The following CASC3 variants were observed in gnomAD, a reference collection of about 807,000 sequenced individuals.
CASC3 encodes CASC3 exon junction complex subunit, also known as protein CASC3.
A neutral mutation model predicts 80.5 loss-of-function variants in CASC3; 30 were observed. The observed-to-expected ratio is 0.37, with a 90% CI of 0.28 to 0.51. CASC3 has a LOEUF of 0.51. Among genes scored for constraint, CASC3 ranks in the 20% least tolerant of loss-of-function variants. CASC3 has a pLI of 0.94. For missense variants in CASC3, 824 were observed against 922.2 expected, an observed-to-expected ratio of 0.89 and a Z score of 1.38; for synonymous variants, 312 against 333.6, an observed-to-expected ratio of 0.94 and a Z score of 0.70.
chr17:40,160,500 A>G (rs1989266834), intron 3 of CASC3, among the ~76,000 whole-genome samples: 1 of 152,094 alleles, frequency 6.6e-6, no homozygotes. Flanking sequence ...CAAAACAGAA[A>G]AAAAAAAAAA....
At chr17:40,166,183 G>A (rs1989446373) in intron 7 of CASC3, among the ~76,000 whole-genome samples, 1 of 152,134 alleles carries the variant, frequency 6.6e-6, no homozygotes, top group Admixed American at 6.6e-5. Flanking sequence ...GCCTATTGTG[G>A]TTTGTTTTTC....
chr17:40,168,544 C>A, intron 11 of CASC3, 127 bp downstream of exon 11: 3 of 790,576 alleles, frequency 3.8e-6, no homozygotes, highest in Non-Finnish European at 6.2e-6. Context: ...TATGTGACAC[C>A]AAGACGCCTC....
chr17:40,169,112 G>C, intron 11 of CASC3: 1 of 496,680 alleles, frequency 2.0e-6, no homozygotes, highest in East Asian at 3.6e-5. Flanking sequence ...AGAGAAAGCT[G>C]GGCAGTACTT....
At chr17:40,151,186 T>C (rs1222326009) in intron 3 of CASC3, among the ~76,000 whole-genome samples, 1 of 151,852 alleles carries the variant, frequency 6.6e-6, no homozygotes, top group Non-Finnish European at 1.5e-5. Context: ...CTGGGCAACA[T>C]AGTGAGACCT....
chr17:40,152,483 A>G (rs912677712), intron 3 of CASC3, among the ~76,000 whole-genome samples: 2 of 151,900 alleles, frequency 1.3e-5, no homozygotes, highest in Non-Finnish European at 2.9e-5. Flanking sequence ...CACCAAGCCC[A>G]GCTAGTTTTG....
At chr17:40,144,837 C>G (rs1180640847) in intron 3 of CASC3, among the ~76,000 whole-genome samples, 3 of 140,408 alleles carry the variant, frequency 2.1e-5, no homozygotes, top group African/African-American at 7.9e-5. Context: ...CCACCATACC[C>G]AGCCAAAAAA....
chr17:40,152,323 T>C (rs1989031384), intron 3 of CASC3, among the ~76,000 whole-genome samples: 1 of 151,540 alleles, frequency 6.6e-6, no homozygotes, highest in Non-Finnish European at 1.5e-5. Context: ...TTTGTTTTTA[T>C]TTTTATTTTT....
intron 3 of CASC3, among the ~76,000 whole-genome samples, chr17:40,160,336 T>G (rs1042910152): frequency 6.6e-6 from 1 of 150,902 alleles, no homozygotes. Flanking sequence ...CTACTAAAAA[T>G]AAAAAAAAAT....
chr17:40,141,487 G>T, intron 2 of CASC3, 83 bp from the exon 3 acceptor site: 1 of 1,153,362 alleles, frequency 8.7e-7, no homozygotes, highest in South Asian at 1.3e-5. Flanking sequence ...AGAATTAAAT[G>T]AGACTCTTAG....
chr17:40,153,836 G>A (rs1373473147), intron 3 of CASC3, among the ~76,000 whole-genome samples: 1 of 152,026 alleles, frequency 6.6e-6, no homozygotes, highest in Non-Finnish European at 1.5e-5. Flanking sequence ...CACTTTGGGA[G>A]GCCGAGTCAG....
At chr17:40,161,670 G>A (rs1022832554) in intron 3 of CASC3, 83 bp from the exon 4 acceptor site, 1 of 1,218,824 alleles carries the variant, frequency 8.2e-7, no homozygotes, top group Non-Finnish European at 1.2e-6. Context: ...CAGAGACTTT[G>A]TTTTGGGGTT....
chr17:40,156,520 A>T (rs1989149126), intron 3 of CASC3, among the ~76,000 whole-genome samples: 1 of 151,902 alleles, frequency 6.6e-6, no homozygotes, highest in Non-Finnish European at 1.5e-5. Flanking sequence ...CCCCGTCTCT[A>T]CTGAAAATAC....
chr17:40,150,735 A>G (rs1988982875), intron 3 of CASC3, among the ~76,000 whole-genome samples: 2 of 151,342 alleles, frequency 1.3e-5, no homozygotes, highest in African/African-American at 4.9e-5. Context: ...TTATTGTGGC[A>G]AGGCGCCGAG....
At chr17:40,153,573 G>A (rs181348121) in intron 3 of CASC3, among the ~76,000 whole-genome samples, 32 of 152,226 alleles carry the variant, frequency 2.1e-4, no homozygotes, top group Middle Eastern at 3.4e-3. Flanking sequence ...AACTAGAACC[G>A]CCATACTGTT....
intron 3 of CASC3, among the ~76,000 whole-genome samples, chr17:40,153,176 C>G (rs987301672): frequency 5.9e-5 from 9 of 152,182 alleles, no homozygotes; most frequent in African/African-American, 2.2e-4. Flanking sequence ...TTTCGCTACC[C>G]TTAAGCCCTA....
chr17:40,159,127 T>A (rs1376035880), intron 3 of CASC3, among the ~76,000 whole-genome samples: 1 of 151,984 alleles, frequency 6.6e-6, no homozygotes, highest in Non-Finnish European at 1.5e-5. Context: ...TCCCAGCTAC[T>A]TGTGGGGGCT....
Position 40,167,874 on chromosome 17 carries a change from C to A in CASC3, c.1676C>A (p.Thr559Asn). The A allele has an allele frequency of 6.2e-7, 1 of 1,614,114 alleles. No individual in the cohort carries two copies. The highest frequency in any genetic ancestry group is 1.3e-5 in the African/African-American group (1 of 75,026). ...DPLQFQGPIY[T>N]HGDSPAPLPP... is the part of the protein sequence containing the mutation. Reference sequence around the variant, plus strand: ...GTGCAGTTCCAGGGACCAATCTATACCCATGGTGACAGCCCTGCCCCGCTG... The same window carrying A: ...GTGCAGTTCCAGGGACCAATCTATAACCATGGTGACAGCCCTGCCCCGCTG... Residue 559 changes from threonine to asparagine, a missense_variant, in exon 10 of 14, where the codon ACC becomes AAC. Physicochemically the swap from Thr to Asn is moderately conservative, Grantham distance 65. This residue lies in a region of CASC3 where 464 missense variants were observed against 506.0 expected (regional missense o/e 0.92). Transcript: ENST00000264645.
Position 40,149,578 on chromosome 17 carries a change from G to C in CASC3, c.297+7971G>C, listed in dbSNP as rs755904222. 3.4e-4 allele frequency among the ~76,000 whole-genome samples: 52 copies of C among 152,060 alleles called. 1 individual carries two copies. Among genetic ancestry groups the C allele is most frequent in the South Asian group, 6.2e-4 (3 of 4,824 alleles). On this transcript the variant is annotated intron_variant, in intron 3 of 13. Coordinates refer to ENST00000264645, the MANE Select transcript of CASC3 (RefSeq NM_007359.5). Reference sequence around the variant, plus strand: ...GAAAAGAAAGGGGGAAAAAAGAGAGGGAATAGATAATGATATTGAGTACTG... The same window carrying C: ...GAAAAGAAAGGGGGAAAAAAGAGAGCGAATAGATAATGATATTGAGTACTG...
chr17:40,166,895 A>C, intron 8 of CASC3, 34 bp downstream of exon 8: 1 of 1,495,032 alleles, frequency 6.7e-7, no homozygotes, highest in South Asian at 1.2e-5. Context: ...TGGGGGAGGG[A>C]GCTGCCTGTT....
Sources: gnomAD v4.1 joint callset for allele counts (sites outside exome capture counted in the v4.1 genomes callset) on GRCh38, gnomAD v4.1.1 for gene constraint, gnomAD v4.1.1 regional missense constraint, MANE v1.5 for transcripts, NCBI Gene and HGNC (gene_info 2026-07-23, HGNC 2026-07-21) for gene names.